The following INPP4B variants were observed in gnomAD, a reference collection of about 807,000 sequenced individuals.
The protein encoded by INPP4B is inositol polyphosphate-4-phosphatase type II B.
INPP4B carries 55 observed loss-of-function variants against 122.5 expected under a neutral mutation model. The ratio of observed to expected loss-of-function variants is 0.45; its 90% CI spans 0.36 to 0.56. The LOEUF is 0.56. Ranked by LOEUF, INPP4B falls within the 20% of genes least tolerant of loss-of-function variation. The pLI, the probability that INPP4B is intolerant of heterozygous loss-of-function variation, is 0.00. For missense variants in INPP4B, 1,000 were observed against 1,097.7 expected, an observed-to-expected ratio of 0.91 and a Z score of 1.26; for synonymous variants, 403 against 388.7, an observed-to-expected ratio of 1.04 and a Z score of -0.43.
chr4:142,585,392 A>G (rs920521699), intron 2 of INPP4B, among the ~76,000 whole-genome samples: 1 of 152,094 alleles, frequency 6.6e-6, no homozygotes, highest in Non-Finnish European at 1.5e-5. Flanking sequence ...CCTATTGGAA[A>G]TCTACTACCA....
At position 142,722,110 on chromosome 4, in the gene INPP4B, TAC is replaced by T. The variant is rs537244298; in HGVS notation, c.-191+3727_-191+3728del. ...TATATGATATCAAATTATATATATATACACACACACATATACATATGTATACA... is the reference window on the plus strand; with the variant it reads ...TATATGATATCAAATTATATATATATACACACACATATACATATGTATACA... On this transcript the variant is annotated intron_variant, in intron 2 of 25. Coordinates refer to ENST00000262992, the MANE Select transcript of INPP4B (RefSeq NM_001101669.3). Among the ~76,000 whole-genome samples the T allele has an allele frequency of 3.6e-3, 547 of 152,186 alleles. 2 individuals carry two copies. The highest frequency in any genetic ancestry group is 6.2e-3 in the Non-Finnish European group (422 of 68,016).
At position 142,027,592 on chromosome 4, in the gene INPP4B, G is replaced by A. The variant is rs1031040885; in HGVS notation, c.*1190C>T. On this transcript the variant is annotated 3_prime_UTR_variant, in exon 26 of 26. Transcript: ENST00000262992. ...ATATTTAGCATGGCAATTTGGAGAA[G>A]TGACAAGCCACAGGCTAGGAAAGTA... 1 of 152,180 alleles carries A rather than the reference G, an allele frequency of 6.6e-6. No homozygotes were observed. Among genetic ancestry groups the A allele is most frequent in the Non-Finnish European group, 1.5e-5 (1 of 68,038 alleles). The allele number at this position is 152,180 out of a possible 1,614,324, so 9.4% of individuals were successfully genotyped here. A position where few individuals can be genotyped will look rare whatever the true frequency, so the allele number is the denominator to read the frequency against.
At chr4:142,365,928 G>T (rs529145916) in intron 7 of INPP4B, among the ~76,000 whole-genome samples, 1 of 151,902 alleles carries the variant, frequency 6.6e-6, no homozygotes, top group African/African-American at 2.4e-5. Context: ...TTCTCAAAAC[G>T]AAATGGTGGT....
intron 5 of INPP4B, among the ~76,000 whole-genome samples, chr4:142,410,902 G>A (rs569572114): frequency 1.3e-5 from 2 of 152,056 alleles, no homozygotes; most frequent in Admixed American, 1.3e-4. Flanking sequence ...AGATATTCCA[G>A]ATTGGTCCTA....
At chr4:142,646,349 T>C (rs975233501) in intron 2 of INPP4B, among the ~76,000 whole-genome samples, 2 of 151,906 alleles carry the variant, frequency 1.3e-5, no homozygotes, top group Admixed American at 6.6e-5. Flanking sequence ...ACAAAGAAGA[T>C]CCTATTTTTA....
rs2150564829 is a variant in INPP4B, at chr4:142,270,647, C to A, written c.615+16G>T. 1 of 1,450,890 alleles carries A rather than the reference C, an allele frequency of 6.9e-7. No individual in the cohort carries two copies. The highest frequency in any genetic ancestry group is 9.7e-7 in the Non-Finnish European group (1 of 1,030,932). 89.9% of individuals were successfully genotyped at this position (1,450,890 alleles called of 1,614,324 possible). A position where few individuals can be genotyped will look rare whatever the true frequency, so the allele number is the denominator to read the frequency against. ...TTTTTAATTTAATTTGTACAATGAGCAGACTGAGATCCTACCTTTTGTCCC... is the reference window on the plus strand; with the variant it reads ...TTTTTAATTTAATTTGTACAATGAGAAGACTGAGATCCTACCTTTTGTCCC... On this transcript the variant is annotated intron_variant, in intron 10 of 25. Transcript: ENST00000262992.
At chr4:142,818,247 C>G (rs1015194651) in intron 1 of INPP4B, among the ~76,000 whole-genome samples, 1 of 152,106 alleles carries the variant, frequency 6.6e-6, no homozygotes, top group Admixed American at 6.6e-5. Context: ...TTTTCATTTC[C>G]TCTCTGATAT....
At chr4:142,510,010 T>A (rs1824510308) in intron 2 of INPP4B, among the ~76,000 whole-genome samples, 1 of 152,194 alleles carries the variant, frequency 6.6e-6, no homozygotes, top group African/African-American at 2.4e-5. Flanking sequence ...CATTTAATAT[T>A]TTGAGAGCAA....
intron 2 of INPP4B, among the ~76,000 whole-genome samples, chr4:142,622,143 G>A (rs1237019474): frequency 1.3e-5 from 2 of 151,902 alleles, no homozygotes; most frequent in African/African-American, 2.4e-5. Context: ...CTGCAGCTTT[G>A]CAATTTTATG....
At chr4:142,689,955 G>T (rs544197600) in intron 2 of INPP4B, among the ~76,000 whole-genome samples, 1 of 152,052 alleles carries the variant, frequency 6.6e-6, no homozygotes. Context: ...TAGATAGATC[G>T]CAACTACTGT....
chr4:142,600,642 A>C (rs185439710), intron 2 of INPP4B, among the ~76,000 whole-genome samples: 315 of 152,282 alleles, frequency 2.1e-3, no homozygotes, highest in African/African-American at 7.1e-3. Flanking sequence ...AAAAAAGACT[A>C]TACTAAGCCA....
At chr4:142,473,274 C>A (rs148415320) in intron 2 of INPP4B, 1 of 152,378 alleles carries the variant, frequency 6.6e-6, no homozygotes, top group Non-Finnish European at 1.5e-5. Flanking sequence ...ATCATCTGAG[C>A]AACCACATCA....
chr4:142,257,891 C>T (rs1415660218), intron 11 of INPP4B, among the ~76,000 whole-genome samples: 1 of 152,118 alleles, frequency 6.6e-6, no homozygotes, highest in Non-Finnish European at 1.5e-5. Context: ...GCCTGCATTG[C>T]CAAGTCAATC....
At chr4:142,063,682 C>T (rs1449317023) in intron 25 of INPP4B, among the ~76,000 whole-genome samples, 1 of 152,116 alleles carries the variant, frequency 6.6e-6, no homozygotes, top group African/African-American at 2.4e-5. Context: ...AGTATGCTGA[C>T]ATCCTAAAAT....
intron 1 of INPP4B, among the ~76,000 whole-genome samples, chr4:142,757,891 AT>A: frequency 6.6e-6 from 1 of 152,246 alleles, no homozygotes; most frequent in East Asian, 1.9e-4. Context: ...GAAAGTTCCT[AT>A]TGTTTCTGTG....
intron 11 of INPP4B, among the ~76,000 whole-genome samples, chr4:142,253,378 G>A (rs191670922): frequency 1.2e-4 from 19 of 152,296 alleles, no homozygotes; most frequent in African/African-American, 2.2e-4. Context: ...GAACAGCTCC[G>A]GTCTACAGCT....
intron 1 of INPP4B, among the ~76,000 whole-genome samples, chr4:142,819,478 G>A (rs1328134665): frequency 1.3e-5 from 2 of 152,072 alleles, no homozygotes; most frequent in Non-Finnish European, 2.9e-5. Context: ...AAAATTCAAA[G>A]TGAATCTTAG....
intron 1 of INPP4B, among the ~76,000 whole-genome samples, chr4:142,748,938 G>A (rs1394256636): frequency 1.3e-5 from 2 of 151,794 alleles, no homozygotes; most frequent in African/African-American, 4.8e-5. Context: ...CCAGAAGTTC[G>A]AGACCAGCCT....
At position 142,028,749 on chromosome 4, in the gene INPP4B, T is replaced by C. The variant is rs772118382; in HGVS notation, c.*33A>G. On this transcript the variant is annotated 3_prime_UTR_variant, in exon 26 of 26. Transcript: ENST00000262992. ...GTGAAGATTATCCAACTGAAATGTA[T>C]TTGTGTTCCTGTTTATTAACATGTT... 4 of 1,592,286 alleles carry C rather than the reference T, an allele frequency of 2.5e-6. No homozygotes were observed. Among genetic ancestry groups the C allele is most frequent in the Non-Finnish European group, 3.4e-6 (4 of 1,170,810 alleles).
Sources: allele counts gnomAD v4.1 joint callset (sites outside exome capture counted in the v4.1 genomes callset), GRCh38; gene constraint gnomAD v4.1.1; transcripts MANE v1.5; gene names NCBI Gene and HGNC (gene_info 2026-07-23, HGNC 2026-07-21).